The following CLK3 variants were observed in gnomAD, a reference collection of about 807,000 sequenced individuals.
The protein encoded by CLK3 is CDC like kinase 3, also known as dual specificity protein kinase CLK3.
A neutral mutation model predicts 65.2 loss-of-function variants in CLK3; 24 were observed. That is an observed-to-expected ratio of 0.37 (90% CI 0.27 to 0.52). CLK3 has a LOEUF of 0.52. Ranked by LOEUF, CLK3 falls within the 20% of genes least tolerant of loss-of-function variation. The pLI, the probability that CLK3 is intolerant of heterozygous loss-of-function variation, is 0.92. For missense variants in CLK3, 506 were observed against 660.0 expected (o/e 0.77, Z 2.56); for synonymous variants, 252 against 240.8 (o/e 1.05, Z -0.43).
Position 74,624,546 on chromosome 15 carries a change from T to TAAAAA in CLK3, c.534-356_534-355insAAAAA. 5.9e-5 allele frequency: 12 copies of TAAAAA among 203,922 alleles called. No homozygotes were observed. The highest frequency in any genetic ancestry group is 4.7e-4 in the South Asian group (3 of 6,402). The allele number at this position is 203,922 out of a possible 1,614,324, so 12.6% of individuals were successfully genotyped here. On this transcript the variant is annotated intron_variant, in intron 5 of 12. Transcript: ENST00000395066. This position sits in a 1 kb window ranked among gnomAD's most constrained non-coding sequence, Gnocchi z 4.2. ...CTCGGTGGGACAGCCTGGCCAGGGT[T>TAAAAA]GGGGCTGCCTGGCCTATAGGTTAGG...
rs116177097 is a variant in CLK3 at position 74,620,344 on chromosome 15, G to C, written c.369+119G>C. On this transcript the variant is annotated intron_variant, in intron 3 of 12. Transcript: ENST00000395066. ...GCCCTGTGCACGTGCACTGGTGTGC[G>C]TGCATGTGTGTGTGTATGTGTTGTC... The C allele has an allele frequency of 8.0e-5, 107 of 1,339,538 alleles. No homozygotes were observed. In the African/African-American group the frequency reaches 1.4e-3, roughly 17 times the overall value. 83.0% of individuals were successfully genotyped at this position (1,339,538 alleles called of 1,614,324 possible). A position where few individuals can be genotyped will look rare whatever the true frequency, so the allele number is the denominator to read the frequency against.
At chr15:74,614,810 A>AG (rs1239726689), upstream of CLK3, 7 of 152,048 alleles carry the variant, frequency 4.6e-5, no homozygotes, top group Admixed American at 1.3e-4. Flanking sequence ...GGTCCCAAGG[A>AG]GGGGGCGGTG....
chr15:74,620,491 A>C (rs112443181), intron 3 of CLK3: 1 of 570,826 alleles, frequency 1.8e-6, no homozygotes, highest in Non-Finnish European at 3.1e-6. Context: ...ATGTCTACAC[A>C]GTGCTCCAGA....
chr15:74,627,844 C>A lies in CLK3; in HGVS notation c.1043-126C>A. The A allele has an allele frequency of 8.4e-7, 1 of 1,189,778 alleles. No homozygotes were observed. Among genetic ancestry groups the A allele is most frequent in the Non-Finnish European group, 1.2e-6 (1 of 811,122 alleles). The allele number at this position is 1,189,778 out of a possible 1,614,324, so 73.7% of individuals were successfully genotyped here. ...GACCTGGCTTTATCTGTCAGCCTTA[C>A]TGAGAGAGGGCCTCGTACTGGGATT... On this transcript the variant is annotated intron_variant, in intron 9 of 12. Transcript: ENST00000395066. The surrounding 1 kb of genome is among the most constrained non-coding windows in gnomAD (Gnocchi z 4.3).
chr15:74,622,227 C>T lies in CLK3; in HGVS notation c.466+11C>T. On this transcript the variant is annotated intron_variant, in intron 4 of 12. Coordinates refer to ENST00000395066, the MANE Select transcript of CLK3 (RefSeq NM_001130028.2). The surrounding 1 kb of genome is among the most constrained non-coding windows in gnomAD (Gnocchi z 4.6). Reference sequence around the variant, plus strand: ...GGCTCCAAGAGCGATGTACAGCCACCTTTCGTAAAACTTTACCTCTCTACT... The same window carrying T: ...GGCTCCAAGAGCGATGTACAGCCACTTTTCGTAAAACTTTACCTCTCTACT... 6.2e-7 allele frequency: 1 copy of T among 1,608,912 alleles called. No homozygotes were observed. Among genetic ancestry groups the T allele is most frequent in the Non-Finnish European group, 8.5e-7 (1 of 1,175,486 alleles).
At chr15:74,615,458 C>T (rs990783250), upstream of CLK3, 2 of 1,310,848 alleles carry the variant, frequency 1.5e-6, no homozygotes, top group African/African-American at 1.5e-5. Context: ...GAGAACAATG[C>T]CCGTCCTCTC....
At chr15:74,613,467 G>T (rs1036863301), upstream of CLK3, 8 of 152,240 alleles carry the variant, frequency 5.3e-5, no homozygotes, top group African/African-American at 1.9e-4. Context: ...AGTCACAAAA[G>T]AATGAAGCTC....
chr15:74,615,977 G>A, intron 1 of CLK3, 79 bp downstream of exon 1: 1 of 1,076,926 alleles, frequency 9.3e-7, no homozygotes, highest in Non-Finnish European at 1.2e-6. Flanking sequence ...GCGCGCTGGT[G>A]CCATTCGGTC....
Position 74,622,235 on chromosome 15 carries a change from A to G in CLK3, c.466+19A>G. 2 of 1,604,468 alleles carry G rather than the reference A, an allele frequency of 1.2e-6. No individual in the cohort carries two copies. The highest frequency in any genetic ancestry group is 1.7e-6 in the Non-Finnish European group (2 of 1,171,684). ...GAGCGATGTACAGCCACCTTTCGTA[A>G]AACTTTACCTCTCTACTTTCTACCC... On this transcript the variant is annotated intron_variant, in intron 4 of 12. Coordinates refer to ENST00000395066, the MANE Select transcript of CLK3 (RefSeq NM_001130028.2). The surrounding 1 kb of genome is among the most constrained non-coding windows in gnomAD (Gnocchi z 4.6).
chr15:74,615,105 G>A (rs1232326746), upstream of CLK3: 8 of 279,974 alleles, frequency 2.9e-5, no homozygotes, highest in Non-Finnish European at 4.0e-5. Context: ...AAAGGGGGCT[G>A]TCCAGTGGCC....
upstream of CLK3, among the ~76,000 whole-genome samples, chr15:74,612,867 G>A (rs1242346713): frequency 6.6e-6 from 1 of 152,226 alleles, no homozygotes; most frequent in Non-Finnish European, 1.5e-5. Context: ...TTGCCAGTTA[G>A]AAGTGACAGG....
At chr15:74,616,978 T>C (rs2062065458) in intron 1 of CLK3, among the ~76,000 whole-genome samples, 1 of 152,228 alleles carries the variant, frequency 6.6e-6, no homozygotes, top group Non-Finnish European at 1.5e-5. Flanking sequence ...AGCTGTTTGC[T>C]GAGGTTTTCG....
intron 12 of CLK3, chr15:74,629,270 A>G: frequency 4.9e-6 from 3 of 617,122 alleles, no homozygotes; most frequent in Non-Finnish European, 8.8e-6. Context: ...GGGGAACACC[A>G]GAAGAGCCAG....
intron 10 of CLK3, 143 bp downstream of exon 10, chr15:74,628,195 T>G: frequency 3.0e-6 from 2 of 674,054 alleles, no homozygotes; most frequent in Non-Finnish European, 5.4e-6. Flanking sequence ...TCAGACCCTT[T>G]AAGGATGTAG....
Position 74,627,392 on chromosome 15 carries a change from A to G in CLK3, c.858A>G (p.Pro286=). 6.2e-7 allele frequency: 1 copy of G among 1,614,180 alleles called. No individual in the cohort carries two copies. The highest frequency in any genetic ancestry group is 1.3e-5 in the African/African-American group (1 of 75,052). Residue 286 remains proline, a synonymous_variant, in exon 8 of 13, where the codon CCA becomes CCG. Coordinates refer to ENST00000395066, the MANE Select transcript of CLK3 (RefSeq NM_001130028.2). This position sits in a 1 kb window ranked among gnomAD's most constrained non-coding sequence, Gnocchi z 4.3. ...AGCTGACCCATACAGACTTGAAACC[A>G]GAGAACATCCTGTTTGTGAATTCTG... ...ENQLTHTDLK[P]ENILFVNSEF... is the part of the protein sequence containing the mutation.
chr15:74,615,342 A>C, upstream of CLK3: 1 of 1,025,390 alleles, frequency 9.8e-7, no homozygotes, highest in Non-Finnish European at 1.3e-6. Flanking sequence ...CGCACACACC[A>C]AGATAATAAT....
At chr15:74,626,895 G>A (rs1287594762) in intron 7 of CLK3, 6 of 439,210 alleles carry the variant, frequency 1.4e-5, no homozygotes, top group Non-Finnish European at 2.3e-5. Context: ...GCACTCAGTC[G>A]CACAGGACCC....
In CLK3 at chr15:74,624,547, G is replaced by GCATCACTAAAAAA; in HGVS notation, c.534-355_534-354insCATCACTAAAAAA. ...TCGGTGGGACAGCCTGGCCAGGGTT[G>GCATCACTAAAAAA]GGGCTGCCTGGCCTATAGGTTAGGT... On this transcript the variant is annotated intron_variant, in intron 5 of 12. Coordinates refer to ENST00000395066, the MANE Select transcript of CLK3 (RefSeq NM_001130028.2). This position sits in a 1 kb window ranked among gnomAD's most constrained non-coding sequence, Gnocchi z 4.2. 4.4e-6 allele frequency: 1 copy of GCATCACTAAAAAA among 226,880 alleles called. No homozygotes were observed. The highest frequency in any genetic ancestry group is 8.7e-6 in the Non-Finnish European group (1 of 115,208). The allele number at this position is 226,880 out of a possible 1,614,324, so 14.1% of individuals were successfully genotyped here. A position where few individuals can be genotyped will look rare whatever the true frequency, so the allele number is the denominator to read the frequency against.
intron 1 of CLK3, among the ~76,000 whole-genome samples, chr15:74,610,631 A>G (rs2061977328): frequency 6.6e-6 from 1 of 152,210 alleles, no homozygotes; most frequent in Non-Finnish European, 1.5e-5. Context: ...GCTGTTATCT[A>G]TCACGACAGG....
Sources: allele counts gnomAD v4.1 joint callset (sites outside exome capture counted in the v4.1 genomes callset), GRCh38; gene constraint gnomAD v4.1.1; non-coding constraint Gnocchi (gnomAD v3.1); transcripts MANE v1.5; gene names NCBI Gene and HGNC (gene_info 2026-07-23, HGNC 2026-07-21).